Variants in CYP2C8 observed in about 807,000 individuals in gnomAD.
The protein encoded by CYP2C8 is cytochrome P450 2C8.
Under a neutral mutation model 41.3 loss-of-function variants are expected in CYP2C8, and 51 were observed. That is an observed-to-expected ratio of 1.24 (90% confidence interval 0.99 to 1.56). The LOEUF (loss-of-function observed/expected upper bound fraction) is 1.56, where lower values mean the gene tolerates loss of function less well. CYP2C8 is among the 40% of genes most tolerant of loss of function. The pLI, the probability that CYP2C8 is intolerant of heterozygous loss-of-function variation, is 0.00. For synonymous variants in CYP2C8, 218 were observed against 205.8 expected (o/e 1.06, Z -0.51); for missense variants, 651 against 579.9 (o/e 1.12, Z -1.26).
chr10:95,060,238 T>C (rs2033398766), intron 4 of CYP2C8, among the ~76,000 whole-genome samples: 1 of 152,132 alleles, frequency 6.6e-6, no homozygotes, highest in Non-Finnish European at 1.5e-5. Context: ...TTGGGCAGTA[T>C]GGCCATTTTC....
chr10:95,066,119 TGAGA>T lies in CYP2C8; in HGVS notation c.481+1085_481+1088del, dbSNP rs144502351. Among the ~76,000 whole-genome samples, 735 of 97,730 alleles carry T rather than the reference TGAGA, an allele frequency of 7.5e-3. 3 individuals carry two copies. The highest frequency in any genetic ancestry group is 0.016 in the African/African-American group (371 of 23,834). The allele number at this position is 97,730 out of a possible 152,430, so 64.1% of individuals were successfully genotyped here. Reference sequence around the variant, plus strand: ...TGAAAGGTAATTTGGGAAGCCTTGGTGAGAGAGAGAGAGAGAGAGAGAGAGAGAG... The same window carrying T: ...TGAAAGGTAATTTGGGAAGCCTTGGTGAGAGAGAGAGAGAGAGAGAGAGAG... On this transcript the variant is annotated intron_variant, in intron 3 of 8. Transcript: ENST00000371270.
chr10:95,068,581 A>G lies in CYP2C8; in HGVS notation c.168+654T>C, dbSNP rs777401577. ...AGAGAACTTATTGGATGAAATTTCTAATCACACACACTTCCCTTCACCTTC... is the reference window on the plus strand; with the variant it reads ...AGAGAACTTATTGGATGAAATTTCTGATCACACACACTTCCCTTCACCTTC... On this transcript the variant is annotated intron_variant, in intron 1 of 8. Transcript: ENST00000371270. The G allele has an allele frequency of 6.2e-6, 8 of 1,288,032 alleles. No individual in the cohort carries two copies. The South Asian group carries it at 9.9e-5, about 16-fold the overall frequency. 79.8% of individuals were successfully genotyped at this position (1,288,032 alleles called of 1,614,324 possible).
chr10:95,041,767 G>A (rs953426495), intron 7 of CYP2C8, among the ~76,000 whole-genome samples: 1 of 136,030 alleles, frequency 7.4e-6, no homozygotes, highest in African/African-American at 2.8e-5. Context: ...CAGCCTGGGC[G>A]ACAGAGCGAG....
chr10:95,052,348 C>T (rs375517358), intron 5 of CYP2C8, among the ~76,000 whole-genome samples: 35 of 152,182 alleles, frequency 2.3e-4, no homozygotes, highest in African/African-American at 8.2e-4. Context: ...GACCCAATGA[C>T]TTCAATGATG....
intron 3 of CYP2C8, 76 bp downstream of exon 3, chr10:95,067,132 C>A: frequency 6.2e-7 from 1 of 1,606,572 alleles, no homozygotes; most frequent in Non-Finnish European, 8.5e-7. Context: ...CTGGCCACCC[C>A]TGAAATGTTT....
At chr10:95,045,696 T>C in intron 6 of CYP2C8, 114 bp downstream of exon 6, 1 of 1,289,518 alleles carries the variant, frequency 7.8e-7, no homozygotes, top group East Asian at 2.3e-5. Context: ...TTACAGCTGA[T>C]GACACAGAAA....
At chr10:95,045,249 T>A (rs1347094662) in intron 6 of CYP2C8, among the ~76,000 whole-genome samples, 1 of 152,222 alleles carries the variant, frequency 6.6e-6, no homozygotes, top group Non-Finnish European at 1.5e-5. Context: ...AGCATTTTTA[T>A]GAAACACACT....
In CYP2C8 at chr10:95,058,162, T is replaced by C. The variant is rs572198301; in HGVS notation, c.819+173A>G. ...TCTATGCATTCTAGCCATTGGACAA[T>C]TTTGTATTTTCCATGATGTTTAGTG... On this transcript the variant is annotated intron_variant, in intron 5 of 8. Transcript: ENST00000371270. Among the ~76,000 whole-genome samples, 4 of 152,328 alleles carry C rather than the reference T, an allele frequency of 2.6e-5. No homozygotes were observed. In the South Asian group the frequency reaches 8.3e-4, roughly 32 times the overall value.
rs1024116021 is a variant in CYP2C8, at chr10:95,038,834, T to G, written c.1291+63A>C. 2.0e-6 allele frequency: 3 copies of G among 1,535,476 alleles called. No homozygotes were observed. In the African/African-American group the frequency reaches 4.1e-5, roughly 21 times the overall value. ...GCCCCAGAGGAGGTGCCATGTAAAT[T>G]CCAACTAATTCCAAAAAGTTCTCTC... On this transcript the variant is annotated intron_variant, in intron 8 of 8. Transcript: ENST00000371270.
At chr10:95,056,123 G>C (rs2033310885) in intron 5 of CYP2C8, among the ~76,000 whole-genome samples, 1 of 151,878 alleles carries the variant, frequency 6.6e-6, no homozygotes, top group Non-Finnish European at 1.5e-5. Context: ...AAATAAAAAT[G>C]AACAAGGGCC....
chr10:95,043,353 A>G (rs1343219433), intron 6 of CYP2C8, among the ~76,000 whole-genome samples: 3 of 152,238 alleles, frequency 2.0e-5, no homozygotes, highest in Non-Finnish European at 4.4e-5. Context: ...AAAAATAAAC[A>G]GAACATAATA....
At chr10:95,066,572 T>C (rs1240896332) in intron 3 of CYP2C8, among the ~76,000 whole-genome samples, 1 of 152,136 alleles carries the variant, frequency 6.6e-6, no homozygotes, top group Non-Finnish European at 1.5e-5. Flanking sequence ...TAACAAGAAA[T>C]AATTAATCCT....
intron 5 of CYP2C8, among the ~76,000 whole-genome samples, chr10:95,047,032 GTGAGTTCACATAAGATC>G (rs1470253235): frequency 6.6e-6 from 1 of 152,156 alleles, no homozygotes; most frequent in East Asian, 1.9e-4. Flanking sequence ...CTGATAATAA[GTGAGTTCACATAAGATC>G]TGGTTTTTTA....
intron 5 of CYP2C8, among the ~76,000 whole-genome samples, chr10:95,052,810 T>C (rs1333512961): frequency 6.6e-6 from 1 of 152,040 alleles, no homozygotes; most frequent in Non-Finnish European, 1.5e-5. Context: ...TAGTAAAAGC[T>C]ATCTACAAAA....
chr10:95,060,160 G>C (rs887276123), intron 4 of CYP2C8, among the ~76,000 whole-genome samples: 4 of 142,252 alleles, frequency 2.8e-5, no homozygotes, highest in Admixed American at 6.9e-5. Flanking sequence ...CTTTAAAGTA[G>C]TTTTTTCCAA....
intron 7 of CYP2C8, 87 bp downstream of exon 7, chr10:95,042,803 A>T: frequency 1.8e-6 from 2 of 1,116,228 alleles, no homozygotes; most frequent in Non-Finnish European, 1.4e-6. Context: ...CACTTCTCTC[A>T]TCTTGTGTTG....
chr10:95,037,713 C>T lies in CYP2C8; in HGVS notation c.1292-404G>A, dbSNP rs1934953. 0.69 allele frequency among the ~76,000 whole-genome samples: 104,405 copies of T among 152,040 alleles called. 36,575 individuals are homozygous for T. Among genetic ancestry groups the T allele is most frequent in the Middle Eastern group, 0.84 (247 of 294 alleles). On this transcript the variant is annotated intron_variant, in intron 8 of 8. Transcript: ENST00000371270. Reference sequence around the variant, plus strand: ...CTGTTCCAAGCCTGATATTCCATGACTTTTCCTTCCACTTTTCACATAATC... The same window carrying T: ...CTGTTCCAAGCCTGATATTCCATGATTTTTCCTTCCACTTTTCACATAATC...
chr10:95,054,106 C>G (rs2033263994), intron 5 of CYP2C8, among the ~76,000 whole-genome samples: 1 of 151,962 alleles, frequency 6.6e-6, no homozygotes, highest in African/African-American at 2.4e-5. Flanking sequence ...TGCTATTCAG[C>G]ATCGTTCTTA....
At chr10:95,067,473 T>G (rs757434823) in intron 2 of CYP2C8, 56 bp downstream of exon 2, 15 of 1,613,164 alleles carry the variant, frequency 9.3e-6, no homozygotes, top group Non-Finnish European at 1.3e-5. Context: ...TAGGGCTCTG[T>G]TTTCCATCCC....
Sources: gnomAD v4.1 joint callset for allele counts (sites outside exome capture counted in the v4.1 genomes callset) on GRCh38, gnomAD v4.1.1 for gene constraint, MANE v1.5 for transcripts, NCBI Gene and HGNC (gene_info 2026-07-23, HGNC 2026-07-21) for gene names.